Variants in C13orf42 observed in about 807,000 individuals in gnomAD.
C13orf42 encodes the protein uncharacterized protein C13orf42.
chr13:51,160,623 T>C (rs950227421), intron 1 of C13orf42, among the ~76,000 whole-genome samples: 4 of 152,188 alleles, frequency 2.6e-5, no homozygotes, highest in Non-Finnish European at 4.4e-5. Context: ...TGAGGAATTG[T>C]GAATTTGACT....
intron 1 of C13orf42, among the ~76,000 whole-genome samples, chr13:51,147,200 T>G (rs1953742022): frequency 6.6e-6 from 1 of 150,766 alleles, no homozygotes; most frequent in Admixed American, 6.6e-5. Flanking sequence ...ATCTACACAT[T>G]GCTCTCAGAC....
chr13:51,138,200 C>G (rs1412322308), intron 1 of C13orf42, among the ~76,000 whole-genome samples: 1 of 152,230 alleles, frequency 6.6e-6, no homozygotes, highest in Admixed American at 6.5e-5. Flanking sequence ...AAGATGCCTA[C>G]TACACAACTT....
chr13:51,101,293 A>G (rs961953144), intron 1 of C13orf42, among the ~76,000 whole-genome samples: 5 of 152,194 alleles, frequency 3.3e-5, no homozygotes, highest in African/African-American at 4.8e-5. Flanking sequence ...TACAGTGAGT[A>G]CCTCTATCTA....
chr13:51,112,739 G>A (rs991777854), upstream of C13orf42, among the ~76,000 whole-genome samples: 40 of 152,248 alleles, frequency 2.6e-4, no homozygotes, highest in African/African-American at 8.7e-4. Flanking sequence ...AAGAAGGGGC[G>A]CGCTGGAGAG....
chr13:51,111,770 C>G (rs528052060), upstream of C13orf42, among the ~76,000 whole-genome samples: 1 of 152,144 alleles, frequency 6.6e-6, no homozygotes, highest in Non-Finnish European at 1.5e-5. Context: ...AAAATCTAGT[C>G]CCCCGAGATG....
intron 1 of C13orf42, among the ~76,000 whole-genome samples, chr13:51,105,351 T>C (rs1175919694): frequency 1.3e-5 from 2 of 152,214 alleles, no homozygotes; most frequent in Non-Finnish European, 2.9e-5. Flanking sequence ...ACAAGGACTT[T>C]GTCTTCTTCA....
At chr13:51,149,694 T>C (rs553858976) in intron 1 of C13orf42, among the ~76,000 whole-genome samples, 1 of 152,344 alleles carries the variant, frequency 6.6e-6, no homozygotes, top group African/African-American at 2.4e-5. Context: ...AAGGCAATTA[T>C]GTTTTTCCAG....
At chr13:51,123,627 A>G (rs1208579639) in intron 1 of C13orf42, among the ~76,000 whole-genome samples, 1 of 152,228 alleles carries the variant, frequency 6.6e-6, no homozygotes, top group Non-Finnish European at 1.5e-5. Context: ...GTCAGCTCAC[A>G]TGGGGCAGGA....
intron 1 of C13orf42, among the ~76,000 whole-genome samples, chr13:51,134,456 TAC>T (rs1953642065): frequency 6.6e-6 from 1 of 152,240 alleles, no homozygotes; most frequent in South Asian, 2.1e-4. Flanking sequence ...AAGGGGCCGT[TAC>T]AGAGTGTAGA....
At chr13:51,135,652 CAA>C (rs34030293) in intron 1 of C13orf42, among the ~76,000 whole-genome samples, 30 of 140,154 alleles carry the variant, frequency 2.1e-4, no homozygotes, top group African/African-American at 3.4e-4. Flanking sequence ...GACCCTGTCC[CAA>C]AAAAAAAAAA....
At chr13:51,133,860 G>A (rs1029061416) in intron 1 of C13orf42, among the ~76,000 whole-genome samples, 1 of 152,194 alleles carries the variant, frequency 6.6e-6, no homozygotes, top group Non-Finnish European at 1.5e-5. Context: ...ACTCCAAAGG[G>A]CCTGTGCTGA....
intron 1 of C13orf42, among the ~76,000 whole-genome samples, chr13:51,162,953 T>C (rs976172227): frequency 1.3e-5 from 2 of 152,228 alleles, no homozygotes; most frequent in African/African-American, 4.8e-5. Context: ...TTTGTGGCTC[T>C]CCTCACGAAC....
At chr13:51,112,363 T>G (rs779187589), upstream of C13orf42, among the ~76,000 whole-genome samples, 2 of 152,062 alleles carry the variant, frequency 1.3e-5, no homozygotes, top group African/African-American at 2.4e-5. Context: ...GTGTGTGGGG[T>G]GTGTGTGTGT....
chr13:51,168,567 C>T (rs189868665), intron 1 of C13orf42, among the ~76,000 whole-genome samples: 13 of 152,252 alleles, frequency 8.5e-5, no homozygotes, highest in East Asian at 3.9e-4. Flanking sequence ...TGAGTTATTT[C>T]GGACTATGTA....
At chr13:51,121,671 G>A (rs1953536931) in intron 1 of C13orf42, among the ~76,000 whole-genome samples, 1 of 151,974 alleles carries the variant, frequency 6.6e-6, no homozygotes, top group Admixed American at 6.6e-5. Context: ...GAGTAGCTGG[G>A]ATTACAGGCA....
At chr13:51,139,327 T>C (rs1162251784) in intron 1 of C13orf42, among the ~76,000 whole-genome samples, 10 of 151,776 alleles carry the variant, frequency 6.6e-5, no homozygotes. Flanking sequence ...AAAAATAAAA[T>C]AAAATAGTCA....
upstream of C13orf42, among the ~76,000 whole-genome samples, chr13:51,112,774 A>C (rs889551242): frequency 2.2e-4 from 34 of 152,294 alleles, no homozygotes; most frequent in South Asian, 3.5e-3. Context: ...CTGTGGTCTC[A>C]ATCAGGCGAG....
At chr13:51,144,980 T>G (rs1443333041) in intron 1 of C13orf42, among the ~76,000 whole-genome samples, 1 of 152,250 alleles carries the variant, frequency 6.6e-6, no homozygotes, top group African/African-American at 2.4e-5. Context: ...AATGGGAAAC[T>G]GGAGAGAGAA....
At chr13:51,088,207 A>G in intron 1 of C13orf42, 132 bp from the exon 2 acceptor site, 2 of 394,808 alleles carry the variant, frequency 5.1e-6, no homozygotes, top group Non-Finnish European at 8.9e-6. Context: ...GTAACTATGA[A>G]TAAGTGCCCT....
Sources: gnomAD v4.1 joint callset for allele counts (sites outside exome capture counted in the v4.1 genomes callset) on GRCh38, gnomAD v4.1.1 for gene constraint, MANE v1.5 for transcripts, NCBI Gene and HGNC (gene_info 2026-07-23, HGNC 2026-07-21) for gene names.